PVT1: variants seen among roughly 807,000 people sequenced by gnomAD.
PVT1 encodes the protein Pvt1 oncogene, also known as CXCR4/PVT1 fusion.
intron 2 of PVT1, among the ~76,000 whole-genome samples, chr8:127,857,882 G>A (rs578197616): frequency 1.3e-5 from 2 of 152,310 alleles, no homozygotes; most frequent in South Asian, 4.1e-4. Flanking sequence ...AGTTGAAACC[G>A]TCTTCAAATG....
intron 3 of PVT1, among the ~76,000 whole-genome samples, chr8:127,902,910 T>C (rs932151012): frequency 6.6e-6 from 1 of 152,214 alleles, no homozygotes; most frequent in African/African-American, 2.4e-5. Flanking sequence ...GGTGCGTGTG[T>C]ACTTTTGGTA....
intron 2 of PVT1, among the ~76,000 whole-genome samples, chr8:127,853,463 C>T (rs560911711): frequency 3.3e-5 from 5 of 152,118 alleles, no homozygotes; most frequent in East Asian, 1.9e-4. Context: ...ATGTTGGGCA[C>T]GTGGTCGTAA....
At chr8:127,804,538 A>ATTTTTTTTTTTTTTTT in intron 2 of PVT1, among the ~76,000 whole-genome samples, 1 of 112,710 alleles carries the variant, frequency 8.9e-6, no homozygotes, top group Non-Finnish European at 1.8e-5. Flanking sequence ...TTGCATCCTG[A>ATTTTTTTTTTTTTTTT]TTTTTTTTTT....
chr8:127,947,959 G>C, intron 3 of PVT1: 1 of 456,882 alleles, frequency 2.2e-6, no homozygotes, highest in Non-Finnish European at 4.4e-6. Flanking sequence ...CTTTTCTGCA[G>C]AGCCTGTGCA....
At chr8:127,861,269 T>C (rs1402489867) in intron 2 of PVT1, among the ~76,000 whole-genome samples, 1 of 152,198 alleles carries the variant, frequency 6.6e-6, no homozygotes, top group Non-Finnish European at 1.5e-5. Flanking sequence ...TTGTTTCTGA[T>C]GGGAGCCACT....
At chr8:127,904,823 G>A (rs1815800594) in intron 3 of PVT1, among the ~76,000 whole-genome samples, 1 of 152,166 alleles carries the variant, frequency 6.6e-6, no homozygotes, top group Non-Finnish European at 1.5e-5. Context: ...TGAAATATGG[G>A]CTCTCTTGTG....
rs191087105 is a variant in PVT1, at chr8:128,081,286, T to C, written n.1114+10925T>C. 7.2e-5 allele frequency among the ~76,000 whole-genome samples: 11 copies of C among 152,350 alleles called. No homozygotes were observed. The East Asian group carries it at 1.2e-3, about 16-fold the overall frequency. On this transcript the variant is annotated intron_variant and non_coding_transcript_variant, in intron 5 of 10. Transcript: ENST00000651587. ...GACATACCACAGATTGTTTATCTAT[T>C]CACTTATTGAAGGACATCTTAGTTG...
At chr8:127,896,746 C>T (rs1815682290) in intron 3 of PVT1, among the ~76,000 whole-genome samples, 2 of 151,462 alleles carry the variant, frequency 1.3e-5, no homozygotes, top group Non-Finnish European at 2.9e-5. Flanking sequence ...GCCCAGCATG[C>T]ATTAGCTATT....
chr8:127,957,425 A>G (rs6991078), intron 3 of PVT1, among the ~76,000 whole-genome samples: 103,297 of 151,886 alleles, frequency 0.68, 35,298 homozygotes, highest in Admixed American at 0.72. Flanking sequence ...AAATTAGCTG[A>G]GTGTGGTGGT....
intron 3 of PVT1, among the ~76,000 whole-genome samples, chr8:127,984,861 CT>C: frequency 1.8e-5 from 1 of 55,100 alleles, no homozygotes; most frequent in Non-Finnish European, 4.0e-5. Flanking sequence ...TTCTTTCTTT[CT>C]TTCTTTCTTT....
intron 4 of PVT1, among the ~76,000 whole-genome samples, chr8:127,993,845 C>A (rs140357727): frequency 3.4e-4 from 52 of 152,246 alleles, no homozygotes; most frequent in Middle Eastern, 3.4e-3. Flanking sequence ...AAATATCGAA[C>A]GAGAACCTGC....
chr8:127,909,794 T>A (rs1044709591), intron 3 of PVT1, among the ~76,000 whole-genome samples: 23 of 152,260 alleles, frequency 1.5e-4, no homozygotes, highest in African/African-American at 4.8e-4. Flanking sequence ...GCTCTGGGGC[T>A]GACAGGGACC....
At chr8:128,039,999 A>G (rs1479134346) in intron 4 of PVT1, among the ~76,000 whole-genome samples, 1 of 152,224 alleles carries the variant, frequency 6.6e-6, no homozygotes, top group South Asian at 2.1e-4. Context: ...GCCAATCCTC[A>G]GGGTGAGCAG....
chr8:128,049,171 TG>T, intron 4 of PVT1: 1 of 531,672 alleles, frequency 1.9e-6, no homozygotes. Context: ...GCAGGGAGGC[TG>T]GGAGGGGCTG....
At chr8:127,806,524 G>A (rs768658314) in intron 2 of PVT1, among the ~76,000 whole-genome samples, 11 of 151,988 alleles carry the variant, frequency 7.2e-5, no homozygotes, top group Non-Finnish European at 1.2e-4. Context: ...TGCTAACAAA[G>A]TCAGGTTTTG....
At chr8:127,875,991 T>C (rs952930016) in intron 2 of PVT1, among the ~76,000 whole-genome samples, 1 of 152,202 alleles carries the variant, frequency 6.6e-6, no homozygotes, top group African/African-American at 2.4e-5. Context: ...GTGGCACCCC[T>C]GCCTTACCTG....
chr8:127,898,209 GAGAAAAGAA>G lies in PVT1; in HGVS notation n.782+7226_782+7234del, dbSNP rs779623455. Among the ~76,000 whole-genome samples the G allele has an allele frequency of 5.0e-5, 7 of 139,598 alleles. No individual in the cohort carries two copies. Among genetic ancestry groups the G allele is most frequent in the African/African-American group, 1.6e-4 (6 of 37,500 alleles). 91.6% of individuals were successfully genotyped at this position (139,598 alleles called of 152,430 possible). A position where few individuals can be genotyped will look rare whatever the true frequency, so the allele number is the denominator to read the frequency against. On this transcript the variant is annotated intron_variant and non_coding_transcript_variant, in intron 3 of 10. Transcript: ENST00000651587. This position sits in a 1 kb window ranked among gnomAD's most constrained non-coding sequence, Gnocchi z 4.4. ...CCTTTGTACCTGCGTGAAGAAAGAA[GAGAAAAGAA>G]AGAAAAGAAAGAAAGAAAGAAAGAA...
intron 3 of PVT1, among the ~76,000 whole-genome samples, chr8:127,924,553 C>T (rs531680242): frequency 1.6e-4 from 24 of 149,180 alleles, no homozygotes; most frequent in Middle Eastern, 3.5e-3. Flanking sequence ...ACTCTGTTGC[C>T]CAGGCTGGAG....
chr8:127,950,441 C>G (rs1170818400), intron 3 of PVT1, among the ~76,000 whole-genome samples: 1 of 152,204 alleles, frequency 6.6e-6, no homozygotes, highest in South Asian at 2.1e-4. Context: ...TGAGGCTGGT[C>G]CTGCTTCAAG....
Sources: gnomAD v4.1 joint callset for allele counts (sites outside exome capture counted in the v4.1 genomes callset) on GRCh38, gnomAD v4.1.1 for gene constraint, Gnocchi (gnomAD v3.1) non-coding constraint, MANE v1.5 for transcripts, NCBI Gene and HGNC (gene_info 2026-07-23, HGNC 2026-07-21) for gene names.